The following ASAP2 variants were observed in gnomAD, a reference collection of about 807,000 sequenced individuals.
ASAP2 encodes the protein ArfGAP with SH3 domain, ankyrin repeat and PH domain 2.
ASAP2 carries 45 observed loss-of-function variants against 131.4 expected under a neutral mutation model. The observed-to-expected ratio is 0.34, with a 90% CI of 0.27 to 0.44. The LOEUF (loss-of-function observed/expected upper bound fraction) is 0.44. ASAP2 is among the 20% of genes least tolerant of loss of function. The pLI is 1.00. For missense variants in ASAP2, 1,011 were observed against 1,297.0 expected, an observed-to-expected ratio of 0.78 and a Z score of 3.39; for synonymous variants, 510 against 503.0, an observed-to-expected ratio of 1.01 and a Z score of -0.19.
chr2:9,358,747 C>T lies in ASAP2; in HGVS notation c.1328-9C>T, dbSNP rs758064633. 9 of 1,611,548 alleles carry T rather than the reference C, an allele frequency of 5.6e-6. No individual in the cohort carries two copies. In the Admixed American group the frequency reaches 1.0e-4, roughly 18 times the overall value. On this transcript the variant is annotated splice_polypyrimidine_tract_variant and intron_variant, in intron 14 of 27. Transcript: ENST00000281419. ...TGGAAGCTCAAATCTGCCCTGTTCT[C>T]TTTGGCAGATCCTACATGGCTTTCC... is the stretch of plus-strand genomic sequence containing the variant.
At position 9,372,675 on chromosome 2, in the gene ASAP2, A is replaced by G. The variant is rs116196812; in HGVS notation, c.1557-2080A>G. On this transcript the variant is annotated intron_variant, in intron 16 of 27. Transcript: ENST00000281419. ...GGGATAAAGAAAGATCATAAAAACC[A>G]GTAAGATAATGATTCACCCACTTAT... 8.0e-3 allele frequency among the ~76,000 whole-genome samples: 1,212 copies of G among 152,304 alleles called. 11 individuals are homozygous for G. The highest frequency in any genetic ancestry group is 0.018 in the Admixed American group (278 of 15,312).
chr2:9,310,512 A>G (rs928412377), intron 3 of ASAP2, among the ~76,000 whole-genome samples: 4 of 152,162 alleles, frequency 2.6e-5, no homozygotes, highest in East Asian at 1.9e-4. Flanking sequence ...AAAAATAGCT[A>G]TGATGTAAGA....
At chr2:9,229,411 G>A (rs1662999090) in intron 1 of ASAP2, among the ~76,000 whole-genome samples, 1 of 152,182 alleles carries the variant, frequency 6.6e-6, no homozygotes, top group South Asian at 2.1e-4. Flanking sequence ...CCCTGTCGAT[G>A]AACCAACCTG....
intron 2 of ASAP2, among the ~76,000 whole-genome samples, chr2:9,284,824 A>C (rs953705748): frequency 6.6e-5 from 10 of 152,148 alleles, no homozygotes; most frequent in African/African-American, 2.2e-4. Flanking sequence ...TTACAATTTT[A>C]GATGTAAGTG....
chr2:9,320,215 C>G lies in ASAP2; in HGVS notation c.421-73C>G, dbSNP rs1013033160. On this transcript the variant is annotated intron_variant, in intron 4 of 27. Coordinates refer to ENST00000281419, the MANE Select transcript of ASAP2 (RefSeq NM_003887.3). ...ATTAATGCTCCTTTCAGGGCTAGTA[C>G]AGGGATAAGTAAGTTTATCTTGCAC... 10 of 1,271,042 alleles carry G rather than the reference C, an allele frequency of 7.9e-6. No homozygotes were observed. The African/African-American group carries it at 1.5e-4, about 19-fold the overall frequency. The allele number at this position is 1,271,042 out of a possible 1,614,324, so 78.7% of individuals were successfully genotyped here. A position where few individuals can be genotyped will look rare whatever the true frequency, so the allele number is the denominator to read the frequency against.
chr2:9,347,730 C>G (rs1672062048), intron 11 of ASAP2, among the ~76,000 whole-genome samples: 1 of 152,208 alleles, frequency 6.6e-6, no homozygotes, highest in Non-Finnish European at 1.5e-5. Context: ...CAAAATAACT[C>G]TAATTAGATA....
chr2:9,379,084 T>C, intron 19 of ASAP2, 25 bp downstream of exon 19: 1 of 1,463,406 alleles, frequency 6.8e-7, no homozygotes, highest in Non-Finnish European at 9.1e-7. Flanking sequence ...GCCCCGGGGG[T>C]GGGCTCAGCT....
At chr2:9,212,670 C>T (rs1455853635) in intron 1 of ASAP2, among the ~76,000 whole-genome samples, 2 of 152,160 alleles carry the variant, frequency 1.3e-5, no homozygotes, top group African/African-American at 4.8e-5. Flanking sequence ...GCATTCCAGG[C>T]CCGCACTGTC....
intron 1 of ASAP2, among the ~76,000 whole-genome samples, chr2:9,262,193 T>C (rs138123121): frequency 1.5e-3 from 235 of 152,260 alleles, no homozygotes; most frequent in African/African-American, 5.4e-3. Flanking sequence ...AAAAATGTAT[T>C]AGTGGAAATG....
At chr2:9,263,992 T>C (rs778890108) in intron 1 of ASAP2, among the ~76,000 whole-genome samples, 3 of 151,992 alleles carry the variant, frequency 2.0e-5, no homozygotes, top group Non-Finnish European at 2.9e-5. Context: ...AGGAGTTCAA[T>C]ACCAGCCTGG....
chr2:9,240,609 T>C (rs1663895012), intron 1 of ASAP2, among the ~76,000 whole-genome samples: 1 of 152,214 alleles, frequency 6.6e-6, no homozygotes, highest in Admixed American at 6.5e-5. Flanking sequence ...CGGCCGTAGC[T>C]TTTGCAGTTT....
intron 12 of ASAP2, among the ~76,000 whole-genome samples, chr2:9,352,900 A>G (rs2148638725): frequency 6.6e-6 from 1 of 152,296 alleles, no homozygotes; most frequent in East Asian, 1.9e-4. Flanking sequence ...AAGAGCTCTC[A>G]TCCCTCCTCC....
At chr2:9,246,738 T>C (rs1483382603) in intron 1 of ASAP2, among the ~76,000 whole-genome samples, 1 of 152,250 alleles carries the variant, frequency 6.6e-6, no homozygotes, top group Non-Finnish European at 1.5e-5. Flanking sequence ...TTGTCACATC[T>C]AAATGGTTTA....
intron 3 of ASAP2, among the ~76,000 whole-genome samples, chr2:9,303,209 TAAAC>T (rs1668607253): frequency 1.3e-5 from 2 of 152,228 alleles, no homozygotes; most frequent in African/African-American, 4.8e-5. Context: ...GTTTTAGACA[TAAAC>T]TAATGAACTA....
At position 9,268,717 on chromosome 2, in the gene ASAP2, G is replaced by A. The variant is rs1301668892; in HGVS notation, c.127-10600G>A. On this transcript the variant is annotated intron_variant, in intron 1 of 27. Transcript: ENST00000281419. The surrounding 1 kb of genome is among the most constrained non-coding windows in gnomAD (Gnocchi z 4.1). The stretch of plus-strand genomic sequence containing the variant: ...CTGGGTGTGTTTTGTTTTTTGTTTT[G>A]TCTACTGTCTTTCAGAAATGTCCCT... 6.6e-6 allele frequency among the ~76,000 whole-genome samples: 1 copy of A among 152,176 alleles called. No homozygotes were observed. The highest frequency in any genetic ancestry group is 2.4e-5 in the African/African-American group (1 of 41,428).
intron 11 of ASAP2, among the ~76,000 whole-genome samples, chr2:9,349,735 T>G (rs556088241): frequency 6.6e-6 from 1 of 152,334 alleles, no homozygotes; most frequent in East Asian, 1.9e-4. Context: ...ACCCAAATCC[T>G]TCACGCTGCA....
rs1661143006 is a variant in ASAP2, at chr2:9,206,926, G to A, written c.-179G>A. On this transcript the variant is annotated 5_prime_UTR_variant, in exon 1 of 28. Coordinates refer to ENST00000281419, the MANE Select transcript of ASAP2 (RefSeq NM_003887.3). The surrounding 1 kb of genome is among the most constrained non-coding windows in gnomAD (Gnocchi z 4.0). ...CGGACCGGCCGAGCTGCGCGGGGCT[G>A]CGCGCCGCCCCTGCTCCGCCGCCAG... The A allele has an allele frequency of 2.7e-6, 1 of 376,466 alleles. No homozygotes were observed. The allele number at this position is 376,466 out of a possible 1,614,324, so 23.3% of individuals were successfully genotyped here. A position where few individuals can be genotyped will look rare whatever the true frequency, so the allele number is the denominator to read the frequency against.
chr2:9,304,247 A>T (rs914885311), intron 3 of ASAP2, among the ~76,000 whole-genome samples: 2 of 152,154 alleles, frequency 1.3e-5, no homozygotes, highest in Non-Finnish European at 2.9e-5. Flanking sequence ...TGTGTGTAGG[A>T]CATGCTGTTT....
At chr2:9,286,447 A>ATATATATATATATATATATATATAT (rs1553304560) in intron 2 of ASAP2, among the ~76,000 whole-genome samples, 9 of 148,412 alleles carry the variant, frequency 6.1e-5, no homozygotes, top group Admixed American at 2.0e-4. Context: ...GAAAAAAAAA[A>ATATATATATATATATATATATATAT]ATATATATAT....
Sources: gnomAD v4.1 joint callset for allele counts (sites outside exome capture counted in the v4.1 genomes callset) on GRCh38, gnomAD v4.1.1 for gene constraint, Gnocchi (gnomAD v3.1) non-coding constraint, MANE v1.5 for transcripts, NCBI Gene and HGNC (gene_info 2026-07-23, HGNC 2026-07-21) for gene names.